Variants in ZDHHC8 observed in about 807,000 individuals in gnomAD.
The protein encoded by ZDHHC8 is palmitoyltransferase ZDHHC8.
ZDHHC8 carries 24 observed loss-of-function variants against 61.2 expected under a neutral mutation model. The ratio of observed to expected loss-of-function variants is 0.39; its 90% CI spans 0.28 to 0.55. The LOEUF is 0.55. Ranked by LOEUF, ZDHHC8 falls within the 20% of genes least tolerant of loss-of-function variation. The pLI, the probability that ZDHHC8 is intolerant of heterozygous loss-of-function variation, is 0.60. For missense variants in ZDHHC8, 935 were observed against 1,102.1 expected, an observed-to-expected ratio of 0.85 and a Z score of 2.15; for synonymous variants, 523 against 492.5, an observed-to-expected ratio of 1.06 and a Z score of -0.82.
intron 10 of ZDHHC8, 142 bp from the exon 11 acceptor site, chr22:20,145,087 G>A (rs2050508842): frequency 3.2e-6 from 2 of 620,774 alleles, no homozygotes; most frequent in South Asian, 3.4e-5. Context: ...CAAGCCCAGA[G>A]GGCAGGGACT....
At position 20,132,049 on chromosome 22, in the gene ZDHHC8, C is replaced by A; in HGVS notation, c.102C>A (p.Phe34Leu). The A allele has an allele frequency of 7.6e-7, 1 of 1,322,354 alleles. No homozygotes were observed. Among genetic ancestry groups the A allele is most frequent in the Non-Finnish European group, 9.8e-7 (1 of 1,018,376 alleles). 81.9% of individuals were successfully genotyped at this position (1,322,354 alleles called of 1,614,324 possible). A position where few individuals can be genotyped will look rare whatever the true frequency, so the allele number is the denominator to read the frequency against. ...LVGSSTLFFV[F>L]TCPWLTRAVS... Reference sequence around the variant, plus strand: ...GCTCCAGCACCCTCTTCTTCGTGTTCACGTGAGTCGGCGCCGCGTCTGGGG... The same window carrying A: ...GCTCCAGCACCCTCTTCTTCGTGTTAACGTGAGTCGGCGCCGCGTCTGGGG... The change falls in exon 1 of 11, where the codon TTC becomes TTA. Residue 34 changes from phenylalanine (F) to leucine (L), a missense_variant and splice_region_variant. Phe to Leu is a conservative substitution (Grantham distance 22, BLOSUM62 0). Transcript: ENST00000334554.
intron 6 of ZDHHC8, 60 bp from the exon 7 acceptor site, chr22:20,140,811 C>A: frequency 6.3e-7 from 1 of 1,598,516 alleles, no homozygotes; most frequent in Non-Finnish European, 8.5e-7. Context: ...GTATGGCCAG[C>A]CCTGCCCTTG....
chr22:20,143,856 G>A (rs543682360), intron 10 of ZDHHC8, 100 bp downstream of exon 10: 7 of 1,398,756 alleles, frequency 5.0e-6, no homozygotes, highest in Non-Finnish European at 6.6e-6. Context: ...CATCCCAGGG[G>A]CCTGAGTTTT....
rs768786024 is a variant in ZDHHC8, at chr22:20,143,624, A to T, written c.1994A>T (p.His665Leu). 1 of 1,605,056 alleles carries T rather than the reference A, an allele frequency of 6.2e-7. No individual in the cohort carries two copies. The highest frequency in any genetic ancestry group is 8.5e-7 in the Non-Finnish European group (1 of 1,179,150). The part of the protein sequence containing the change: ...APGPRPSSGS[H>L]RSPARQGLPS... ...GGGCCCCGGCCCAGCAGTGGCTCAC[A>T]CAGGTCACCTGCACGCCAGGGCCTG... The change falls in exon 10 of 11, where the codon CAC (histidine) becomes CTC (leucine). Residue 665 changes from histidine (H) to leucine (L), a missense_variant. His to Leu is a moderately conservative substitution (Grantham distance 99). Around this residue, in one of 3 missense-constraint regions of ZDHHC8, gnomAD observed 692 missense variants for 731.4 expected, o/e 0.95. Transcript: ENST00000334554.
intron 10 of ZDHHC8, among the ~76,000 whole-genome samples, chr22:20,144,285 T>C (rs1432768141): frequency 1.3e-5 from 2 of 152,026 alleles, no homozygotes; most frequent in African/African-American, 2.4e-5. Context: ...GCTTCCCTGC[T>C]CGTAGGTGGG....
chr22:20,146,087 T>C lies in ZDHHC8; in HGVS notation c.*687T>C, dbSNP rs1378141321. ...GATGTGTCAGTGCTCCGGCCGCCGC[T>C]GTCCCTTTCATCAAAGCCTTAACCT... On this transcript the variant is annotated 3_prime_UTR_variant, in exon 11 of 11. Coordinates refer to ENST00000334554, the MANE Select transcript of ZDHHC8 (RefSeq NM_013373.4). 5 of 985,880 alleles carry C rather than the reference T, an allele frequency of 5.1e-6. No homozygotes were observed. The East Asian group carries it at 5.7e-4, about 112-fold the overall frequency. The allele number at this position is 985,880 out of a possible 1,614,324, so 61.1% of individuals were successfully genotyped here.
chr22:20,140,060 T>C lies in ZDHHC8; in HGVS notation c.558-55T>C, dbSNP rs2050454391. 3 of 1,602,024 alleles carry C rather than the reference T, an allele frequency of 1.9e-6. No individual in the cohort carries two copies. The Admixed American group carries it at 5.0e-5, about 27-fold the overall frequency. The stretch of plus-strand genomic sequence containing the variant: ...TTGTCCACAGGCACCTGCTCTGTGC[T>C]GCTGCGATGGGGTCTGCGGTGTCCT... On this transcript the variant is annotated intron_variant, in intron 4 of 10. Transcript: ENST00000334554.
chr22:20,133,018 G>A (rs986090458), intron 1 of ZDHHC8, among the ~76,000 whole-genome samples: 5 of 152,366 alleles, frequency 3.3e-5, no homozygotes, highest in African/African-American at 1.2e-4. Context: ...GCCTGGAGAG[G>A]GGCAGGTAGG....
At chr22:20,139,667 C>G (rs2050450646) in intron 3 of ZDHHC8, 32 bp downstream of exon 3, 1 of 1,611,188 alleles carries the variant, frequency 6.2e-7, no homozygotes, top group Non-Finnish European at 8.5e-7. Context: ...GCTCCCCCAG[C>G]CCTGTGCCAC....
At chr22:20,132,472 C>A (rs1379473625) in intron 1 of ZDHHC8, among the ~76,000 whole-genome samples, 1 of 152,210 alleles carries the variant, frequency 6.6e-6, no homozygotes, top group South Asian at 2.1e-4. Flanking sequence ...GGGTCTCCTC[C>A]TGGCTGCCCG....
rs942004102 is a variant in ZDHHC8, at chr22:20,133,686, C to T, written c.104+1635C>T. Among the ~76,000 whole-genome samples, 4 of 146,056 alleles carry T rather than the reference C, an allele frequency of 2.7e-5. No homozygotes were observed. The East Asian group carries it at 6.0e-4, about 22-fold the overall frequency. ...GGAGTGAGCCGAAATCGCACCACTG[C>T]ACTCCAGCCTGGGTGACAGAGCAAG... On this transcript the variant is annotated intron_variant, in intron 1 of 10. Coordinates refer to ENST00000334554, the MANE Select transcript of ZDHHC8 (RefSeq NM_013373.4).
rs968801549 is a variant in ZDHHC8, at chr22:20,145,614, G to A, written c.*214G>A. The A allele has an allele frequency of 7.4e-6, 9 of 1,223,990 alleles. No homozygotes were observed. The highest frequency in any genetic ancestry group is 3.1e-5 in the African/African-American group (2 of 63,492). 75.8% of individuals were successfully genotyped at this position (1,223,990 alleles called of 1,614,324 possible). A position where few individuals can be genotyped will look rare whatever the true frequency, so the allele number is the denominator to read the frequency against. On this transcript the variant is annotated 3_prime_UTR_variant, in exon 11 of 11. Coordinates refer to ENST00000334554, the MANE Select transcript of ZDHHC8 (RefSeq NM_013373.4). ...GCCCATGGGGAAGTCGGCTCACTGG[G>A]ACAAGGGCCACTGGGCTGGTCTGTG...
rs112901260 is a variant in ZDHHC8, at chr22:20,147,402, T to C, written c.*2002T>C. ...CAGGGCCTGAGACCCTGTGTCCACA[T>C]GACCTCAGGGAGTCCCCCACCTGCT... On this transcript the variant is annotated 3_prime_UTR_variant, in exon 11 of 11. Transcript: ENST00000334554. 22 of 665,848 alleles carry C rather than the reference T, an allele frequency of 3.3e-5. No homozygotes were observed. Among genetic ancestry groups the C allele is most frequent in the Middle Eastern group, 8.6e-4 (2 of 2,328 alleles). The allele number at this position is 665,848 out of a possible 1,614,324, so 41.2% of individuals were successfully genotyped here.
chr22:20,141,623 C>T (rs1383260686), intron 9 of ZDHHC8, 93 bp downstream of exon 9: 1 of 1,026,994 alleles, frequency 9.7e-7, no homozygotes, highest in Non-Finnish European at 1.4e-6. Flanking sequence ...GAAGGCCCCA[C>T]CTCCAGAGCC....
At position 20,147,225 on chromosome 22, in the gene ZDHHC8, G is replaced by T; in HGVS notation, c.*1825G>T. 1 of 1,454,528 alleles carries T rather than the reference G, an allele frequency of 6.9e-7. No homozygotes were observed. The highest frequency in any genetic ancestry group is 1.4e-5 in the South Asian group (1 of 71,736). 90.1% of individuals were successfully genotyped at this position (1,454,528 alleles called of 1,614,324 possible). On this transcript the variant is annotated 3_prime_UTR_variant, in exon 11 of 11. Coordinates refer to ENST00000334554, the MANE Select transcript of ZDHHC8 (RefSeq NM_013373.4). ...CCAGTCTTTTCCCCAGCCTCTCGGG[G>T]CCCTAGCAGGATGACAAGTAGGCGG...
In ZDHHC8 at chr22:20,141,518, A is replaced by G; in HGVS notation, c.1113A>G (p.Gly371=). Residue 371 remains glycine (G), a synonymous_variant, in exon 9 of 11, where the codon GGA becomes GGG. Transcript: ENST00000334554. The part of the protein sequence containing the change: ...FPTGPKVPFC[G]PGEQVPGPDS... The stretch of plus-strand genomic sequence containing the variant: ...CGGGTCCCAAGGTGCCCTTCTGTGG[A>G]CCAGGCGAGCAGGTAAGGAGGCCTA... 6.2e-7 allele frequency: 1 copy of G among 1,612,012 alleles called. No homozygotes were observed. Among genetic ancestry groups the G allele is most frequent in the South Asian group, 1.1e-5 (1 of 90,806 alleles).
At chr22:20,140,463 TA>T in intron 5 of ZDHHC8, 153 bp from the exon 6 acceptor site, 1 of 872,204 alleles carries the variant, frequency 1.1e-6, no homozygotes, top group Non-Finnish European at 1.7e-6. Context: ...TCAGGCTGGG[TA>T]ACCTATGTGA....
Position 20,146,931 on chromosome 22 carries a change from C to G in ZDHHC8, c.*1531C>G. ...AGGGCTGAGACATTCTGGGCTGGGG[C>G]TGTCCCAGCGTGGGAGGCGTGCGGG... is the stretch of plus-strand genomic sequence containing the variant. On this transcript the variant is annotated 3_prime_UTR_variant, in exon 11 of 11. Coordinates refer to ENST00000334554, the MANE Select transcript of ZDHHC8 (RefSeq NM_013373.4). 3 of 1,349,798 alleles carry G rather than the reference C, an allele frequency of 2.2e-6. No individual in the cohort carries two copies. Among genetic ancestry groups the G allele is most frequent in the South Asian group, 1.8e-5 (1 of 54,190 alleles). 83.6% of individuals were successfully genotyped at this position (1,349,798 alleles called of 1,614,324 possible).
intron 1 of ZDHHC8, among the ~76,000 whole-genome samples, chr22:20,137,688 G>A (rs2050433217): frequency 6.6e-6 from 1 of 152,258 alleles, no homozygotes; most frequent in Admixed American, 6.5e-5. Flanking sequence ...TCTCCCTGGG[G>A]GAGCTGCTCA....
Sources: gnomAD v4.1 joint callset for allele counts (sites outside exome capture counted in the v4.1 genomes callset) on GRCh38, gnomAD v4.1.1 for gene constraint, gnomAD v4.1.1 regional missense constraint, MANE v1.5 for transcripts, NCBI Gene and HGNC (gene_info 2026-07-23, HGNC 2026-07-21) for gene names.